Variants in RNF4 observed in about 807,000 individuals in gnomAD.
RNF4 encodes the protein ring finger protein 4.
Under a neutral mutation model 24.3 loss-of-function variants are expected in RNF4, and 7 were observed. The ratio of observed to expected loss-of-function variants is 0.29; its 90% CI spans 0.16 to 0.54. The LOEUF (loss-of-function observed/expected upper bound fraction) is 0.54, where lower values mean the gene tolerates loss of function less well. RNF4 is among the 20% of genes least tolerant of loss of function. The pLI is 0.95. For missense variants in RNF4, 209 were observed against 248.5 expected, an observed-to-expected ratio of 0.84 and a Z score of 1.07; for synonymous variants, 83 against 84.3, an observed-to-expected ratio of 0.98 and a Z score of 0.09.
chr4:2,504,921 A>T (rs1736031046), intron 4 of RNF4, among the ~76,000 whole-genome samples: 1 of 151,882 alleles, frequency 6.6e-6, no homozygotes, highest in Non-Finnish European at 1.5e-5. Context: ...TTTAGTAGAG[A>T]TGGGGTTTCA....
At chr4:2,481,059 A>G (rs528707279) in intron 1 of RNF4, 1 of 152,302 alleles carries the variant, frequency 6.6e-6, no homozygotes, top group South Asian at 2.1e-4. Flanking sequence ...TTCCACATAG[A>G]TCAGTCACCT....
chr4:2,497,209 G>T (rs867676137), intron 3 of RNF4, 88 bp downstream of exon 3: 1 of 967,714 alleles, frequency 1.0e-6, no homozygotes, highest in Non-Finnish European at 1.6e-6. Context: ...GGTGCTTTCA[G>T]TGTCTTTAGA....
chr4:2,494,373 C>CTTT (rs753327529), intron 2 of RNF4, among the ~76,000 whole-genome samples: 39 of 98,226 alleles, frequency 4.0e-4, no homozygotes, highest in African/African-American at 5.3e-4. Flanking sequence ...CAACTTAGAA[C>CTTT]TTTTTTTTTT....
intron 1 of RNF4, among the ~76,000 whole-genome samples, chr4:2,478,566 G>T (rs957478497): frequency 1.3e-5 from 2 of 152,228 alleles, no homozygotes; most frequent in African/African-American, 4.8e-5. Flanking sequence ...GGCCAAAAGG[G>T]GCCAACATAG....
intron 3 of RNF4, chr4:2,499,379 C>G (rs1735843151): frequency 2.3e-6 from 1 of 427,450 alleles, no homozygotes; most frequent in Non-Finnish European, 4.7e-6. Flanking sequence ...GGGGTTCAAG[C>G]AATTCTCCTG....
At chr4:2,503,231 C>T (rs770054320) in intron 4 of RNF4, among the ~76,000 whole-genome samples, 1 of 152,180 alleles carries the variant, frequency 6.6e-6, no homozygotes, top group Non-Finnish European at 1.5e-5. Context: ...CCTCTCTGAA[C>T]TTCCCTACCT....
At chr4:2,487,673 C>A (rs771488911) in intron 1 of RNF4, among the ~76,000 whole-genome samples, 4 of 152,172 alleles carry the variant, frequency 2.6e-5, no homozygotes, top group Non-Finnish European at 5.9e-5. Context: ...CCTCCCTCTT[C>A]AACTTCCCAA....
At chr4:2,472,533 C>T (rs1019399783) in intron 1 of RNF4, among the ~76,000 whole-genome samples, 1 of 149,240 alleles carries the variant, frequency 6.7e-6, no homozygotes, top group East Asian at 2.0e-4. Flanking sequence ...TGGTGGATCG[C>T]TTGAGCTCAG....
chr4:2,504,775 G>C (rs1330977999), intron 4 of RNF4, among the ~76,000 whole-genome samples: 1 of 142,926 alleles, frequency 7.0e-6, no homozygotes, highest in Non-Finnish European at 1.5e-5. Context: ...TGTCACCCAG[G>C]CTGGAGTGCA....
At chr4:2,490,674 T>C (rs917708172) in intron 2 of RNF4, 172 bp downstream of exon 2, 5 of 615,654 alleles carry the variant, frequency 8.1e-6, no homozygotes, top group Middle Eastern at 3.0e-4. Flanking sequence ...CTTACCGACA[T>C]TGAGCTACAT....
At chr4:2,505,300 T>G (rs1736045478) in intron 4 of RNF4, 1 of 152,012 alleles carries the variant, frequency 6.6e-6, no homozygotes, top group African/African-American at 2.4e-5. Context: ...TCTCCACCAC[T>G]TCTTTCAAGT....
At chr4:2,472,452 T>C (rs561284717) in intron 1 of RNF4, among the ~76,000 whole-genome samples, 12 of 152,294 alleles carry the variant, frequency 7.9e-5, no homozygotes, top group African/African-American at 2.6e-4. Flanking sequence ...CAAATCTTAC[T>C]TAAGAAATGC....
intron 2 of RNF4, 124 bp from the exon 3 acceptor site, chr4:2,496,883 C>A: frequency 1.6e-6 from 1 of 627,336 alleles, no homozygotes; most frequent in Non-Finnish European, 2.7e-6. Flanking sequence ...TGAAAGGAGC[C>A]CTAACTTCAA....
At chr4:2,487,053 G>C (rs1578506975) in intron 1 of RNF4, among the ~76,000 whole-genome samples, 1 of 152,172 alleles carries the variant, frequency 6.6e-6, no homozygotes. Context: ...AAACCAACTA[G>C]ACAAGTCTTT....
intron 4 of RNF4, among the ~76,000 whole-genome samples, chr4:2,510,836 C>T (rs528983070): frequency 7.2e-5 from 11 of 152,274 alleles, no homozygotes; most frequent in Admixed American, 2.6e-4. Flanking sequence ...GGAGGAACCA[C>T]GTTTGAAACT....
At chr4:2,496,586 G>C (rs1735742264) in intron 2 of RNF4, among the ~76,000 whole-genome samples, 1 of 152,068 alleles carries the variant, frequency 6.6e-6, no homozygotes, top group Non-Finnish European at 1.5e-5. Flanking sequence ...TCAGCCTCTG[G>C]AGTAGCTGGG....
intron 4 of RNF4, among the ~76,000 whole-genome samples, chr4:2,506,684 C>T (rs1736111964): frequency 6.6e-6 from 1 of 152,074 alleles, no homozygotes; most frequent in East Asian, 1.9e-4. Context: ...CTTCCTGCCT[C>T]AGCCTCCTAA....
chr4:2,506,781 G>C (rs180765810), intron 4 of RNF4, among the ~76,000 whole-genome samples: 67 of 152,050 alleles, frequency 4.4e-4, no homozygotes, highest in African/African-American at 1.6e-3. Flanking sequence ...TATTGCCCAG[G>C]GTGGTCTCAA....
intron 4 of RNF4, among the ~76,000 whole-genome samples, chr4:2,508,481 G>A (rs1005638588): frequency 3.9e-5 from 6 of 152,298 alleles, no homozygotes; most frequent in Admixed American, 2.0e-4. Flanking sequence ...GATGTGACTC[G>A]GCCACTGGGT....
Sources: gnomAD v4.1 joint callset for allele counts (sites outside exome capture counted in the v4.1 genomes callset) on GRCh38, gnomAD v4.1.1 for gene constraint, MANE v1.5 for transcripts, NCBI Gene and HGNC (gene_info 2026-07-23, HGNC 2026-07-21) for gene names.